The following EIF3A variants were observed in gnomAD, a reference collection of about 807,000 sequenced individuals.
EIF3A encodes the protein eukaryotic translation initiation factor 3 subunit A, also known as EIF3, p180 subunit.
In EIF3A, 21 loss-of-function variants were observed where a neutral mutation model predicts 186.6. The ratio of observed to expected loss-of-function variants is 0.11; its 90% CI spans 0.08 to 0.16. EIF3A has a LOEUF of 0.16. Among genes scored for constraint, EIF3A ranks in the 10% least tolerant of loss-of-function variants. The pLI is 1.00. For missense variants in EIF3A, 1,306 were observed against 1,796.3 expected, an observed-to-expected ratio of 0.73 and a Z score of 4.93; for synonymous variants, 563 against 584.3, an observed-to-expected ratio of 0.96 and a Z score of 0.52.
chr10:119,049,014 G>A (rs550552185), intron 17 of EIF3A, among the ~76,000 whole-genome samples: 4 of 152,286 alleles, frequency 2.6e-5, no homozygotes, highest in African/African-American at 9.6e-5. Context: ...CTCTTCTGTA[G>A]CAAACTCAGC....
intron 14 of EIF3A, among the ~76,000 whole-genome samples, chr10:119,052,514 G>C (rs1400734756): frequency 6.6e-6 from 1 of 151,816 alleles, no homozygotes; most frequent in Non-Finnish European, 1.5e-5. Context: ...AGCTGGAACT[G>C]CAGGCACACT....
intron 5 of EIF3A, among the ~76,000 whole-genome samples, chr10:119,069,924 G>C: frequency 6.6e-6 from 1 of 151,896 alleles, no homozygotes; most frequent in East Asian, 1.9e-4. Context: ...CCATCACTTC[G>C]GGCAATATAA....
intron 18 of EIF3A, among the ~76,000 whole-genome samples, chr10:119,043,387 C>T (rs1211947459): frequency 6.6e-6 from 1 of 152,012 alleles, no homozygotes; most frequent in Non-Finnish European, 1.5e-5. Context: ...TGCAGTGAGC[C>T]GAGAACGCGC....
Position 119,042,471 on chromosome 10 carries a change from G to T in EIF3A, c.3049C>A (p.Pro1017Thr). 1 of 1,614,092 alleles carries T rather than the reference G, an allele frequency of 6.2e-7. No individual in the cohort carries two copies. The highest frequency in any genetic ancestry group is 8.5e-7 in the Non-Finnish European group (1 of 1,180,026). ...GNWRHADDDR[P>T]PRRGLDEDRG... ...TCCTCATCCAGTCCTCGTCTAGGTG[G>T]TCTGTCATCATCCGCATGACGCCAG... is the stretch of plus-strand genomic sequence containing the variant. Residue 1017 changes from proline to threonine, a missense_variant, in exon 19 of 22, where the codon CCA becomes ACA. By Grantham distance (38) the Pro-to-Thr change is conservative (BLOSUM62 -1). Around this residue, in one of 8 missense-constraint regions of EIF3A, gnomAD observed 410 missense variants for 473.5 expected, o/e 0.87. Transcript: ENST00000369144. This position sits in a 1 kb window ranked among gnomAD's most constrained non-coding sequence, Gnocchi z 7.8.
At chr10:119,060,944 A>G in intron 8 of EIF3A, 100 bp from the exon 9 acceptor site, 2 of 780,686 alleles carry the variant, frequency 2.6e-6, no homozygotes, top group Non-Finnish European at 2.0e-6. Context: ...AACATCATCC[A>G]ATGCAAAGAA....
intron 6 of EIF3A, among the ~76,000 whole-genome samples, chr10:119,065,959 A>G (rs927753890): frequency 2.0e-5 from 3 of 151,882 alleles, no homozygotes; most frequent in African/African-American, 7.3e-5. Context: ...TACTAAAAAT[A>G]CAAAAAATTA....
intron 7 of EIF3A, among the ~76,000 whole-genome samples, chr10:119,063,009 G>A (rs1204527340): frequency 6.6e-6 from 1 of 151,906 alleles, no homozygotes; most frequent in East Asian, 1.9e-4. Context: ...ACCCGCCTTG[G>A]CCTCCCAAAG....
intron 1 of EIF3A, among the ~76,000 whole-genome samples, chr10:119,076,597 A>AGTCTTCTCCTG (rs1331891556): frequency 6.6e-6 from 1 of 152,080 alleles, no homozygotes; most frequent in African/African-American, 2.4e-5. Context: ...AAAAACTTGC[A>AGTCTTCTCCTG]GTCTTCTCCT....
At position 119,065,386 on chromosome 10, in the gene EIF3A, A is replaced by G; in HGVS notation, c.1122+13T>C. On this transcript the variant is annotated intron_variant, in intron 7 of 21. Transcript: ENST00000369144. ...CTGCCCAAAGCTACAAAAATCCTCA[A>G]ATTAATACTAACCATATCATTAATA... is the stretch of plus-strand genomic sequence containing the variant. 1 of 1,591,044 alleles carries G rather than the reference A, an allele frequency of 6.3e-7. No homozygotes were observed. The highest frequency in any genetic ancestry group is 8.6e-7 in the Non-Finnish European group (1 of 1,165,564).
In EIF3A at chr10:119,053,106, T is replaced by TC. The variant is rs1287283100; in HGVS notation, c.2197-1786_2197-1785insG. Among the ~76,000 whole-genome samples the TC allele has an allele frequency of 2.6e-5, 4 of 151,632 alleles. No individual in the cohort carries two copies. In the South Asian group the frequency reaches 6.2e-4, roughly 24 times the overall value. On this transcript the variant is annotated intron_variant, in intron 14 of 21. Transcript: ENST00000369144. ...AATGAGCAGCAATATTCTGAAAACT[T>TC]TTTTTTTTGAGCAGTAGGTCTCAAC...
At chr10:119,064,810 C>T (rs1422918225) in intron 7 of EIF3A, among the ~76,000 whole-genome samples, 2 of 152,166 alleles carry the variant, frequency 1.3e-5, no homozygotes, top group South Asian at 2.1e-4. Context: ...CGGGTTCCAG[C>T]GATTCTCCTG....
At chr10:119,066,326 T>C (rs1843977632) in intron 6 of EIF3A, among the ~76,000 whole-genome samples, 1 of 149,634 alleles carries the variant, frequency 6.7e-6, no homozygotes, top group Non-Finnish European at 1.5e-5. Context: ...CTGGACAACA[T>C]GGTGAAACCC....
At chr10:119,078,031 T>C (rs796093700) in intron 1 of EIF3A, among the ~76,000 whole-genome samples, 5 of 152,346 alleles carry the variant, frequency 3.3e-5, no homozygotes, top group African/African-American at 1.2e-4. Flanking sequence ...AGCATACCTT[T>C]CAAATTCATT....
intron 6 of EIF3A, 61 bp downstream of exon 6, chr10:119,069,385 G>C: frequency 1.2e-6 from 1 of 856,428 alleles, no homozygotes; most frequent in Non-Finnish European, 1.9e-6. Flanking sequence ...AATATACCAT[G>C]TCATATAATA....
intron 6 of EIF3A, among the ~76,000 whole-genome samples, chr10:119,066,490 CAG>C (rs1433624181): frequency 1.4e-5 from 1 of 73,572 alleles, no homozygotes; most frequent in Non-Finnish European, 2.4e-5. Context: ...GCCTGGGGGG[CAG>C]AGTTAAGACT....
Position 119,073,780 on chromosome 10 carries a change from C to T in EIF3A, c.207G>A (p.Glu69=), listed in dbSNP as rs1445634209. The T allele has an allele frequency of 1.9e-6, 3 of 1,612,778 alleles. No individual in the cohort carries two copies. Among genetic ancestry groups the T allele is most frequent in the Non-Finnish European group, 2.5e-6 (3 of 1,179,482 alleles). Residue 69 remains glutamate (E), a synonymous_variant, in exon 2 of 22, where the codon GAG becomes GAA. Coordinates refer to ENST00000369144, the MANE Select transcript of EIF3A (RefSeq NM_003750.4). ...VDLRKSHLAK[E]GLYQYKNICQ... The stretch of plus-strand genomic sequence containing the variant: ...AAATGTTCTTATACTGGTATAACCC[C>T]TCCTTTGCCAAGTGGCTCTTGCGAA...
chr10:119,036,905 A>C (rs952788588), intron 21 of EIF3A, among the ~76,000 whole-genome samples: 1 of 152,098 alleles, frequency 6.6e-6, no homozygotes, highest in Non-Finnish European at 1.5e-5. Flanking sequence ...CCTGCTATCC[A>C]ATTTAGTCTA....
chr10:119,067,675 T>C (rs1395222158), intron 6 of EIF3A, among the ~76,000 whole-genome samples: 1 of 152,238 alleles, frequency 6.6e-6, no homozygotes, highest in Non-Finnish European at 1.5e-5. Context: ...GTGGGACTCA[T>C]TTAATTGGTC....
At chr10:119,071,501 C>T (rs954557372) in intron 4 of EIF3A, among the ~76,000 whole-genome samples, 1 of 152,032 alleles carries the variant, frequency 6.6e-6, no homozygotes, top group African/African-American at 2.4e-5. Flanking sequence ...AAATTGAGGG[C>T]TTATAGTAAC....
Sources: allele counts gnomAD v4.1 joint callset (sites outside exome capture counted in the v4.1 genomes callset), GRCh38; gene constraint gnomAD v4.1.1; regional missense constraint gnomAD v4.1.1; non-coding constraint Gnocchi (gnomAD v3.1); transcripts MANE v1.5; gene names NCBI Gene and HGNC (gene_info 2026-07-23, HGNC 2026-07-21).